CXCL13: variants seen among roughly 807,000 people sequenced by gnomAD.
The protein encoded by CXCL13 is C-X-C motif chemokine 13.
Under a neutral mutation model 12.2 loss-of-function variants are expected in CXCL13, and 7 were observed. That is an observed-to-expected ratio of 0.57 (90% CI 0.33 to 1.07). The LOEUF is 1.07. Among genes scored for constraint, CXCL13 ranks in the 50% least tolerant of loss-of-function variants. The pLI is 0.04. For synonymous variants in CXCL13, 47 were observed against 42.4 expected, an observed-to-expected ratio of 1.11 and a Z score of -0.42; for missense variants, 113 against 127.4, an observed-to-expected ratio of 0.89 and a Z score of 0.55.
At chr4:77,553,381 G>C (rs1328571771) in intron 1 of CXCL13, among the ~76,000 whole-genome samples, 1 of 152,252 alleles carries the variant, frequency 6.6e-6, no homozygotes, top group Non-Finnish European at 1.5e-5. Context: ...GGCAGACTTT[G>C]TATGTGCCTG....
In CXCL13 at chr4:77,535,410, G is replaced by T. The variant is rs376017949; in HGVS notation, c.-43+23622G>T. On this transcript the variant is annotated intron_variant, in intron 1 of 4. Coordinates refer to the CXCL13 transcript ENST00000286758. ...CTTAGTCCTCAAATCTCAATCTTGC[G>T]ACCCATTGTATTTTCCAAAGATGAC... 2.3e-4 allele frequency among the ~76,000 whole-genome samples: 35 copies of T among 152,084 alleles called. No individual in the cohort carries two copies. The East Asian group carries it at 4.0e-3, about 18-fold the overall frequency.
At chr4:77,606,673 C>G (rs751368041) in intron 1 of CXCL13, among the ~76,000 whole-genome samples, 1 of 152,164 alleles carries the variant, frequency 6.6e-6, no homozygotes, top group Non-Finnish European at 1.5e-5. Context: ...CCATGGCTCC[C>G]GGCAGAGGTA....
At position 77,584,220 on chromosome 4, in the gene CXCL13, A is replaced by G. The variant is rs115373091; in HGVS notation, c.-42-21604A>G. Among the ~76,000 whole-genome samples the G allele has an allele frequency of 5.0e-3, 756 of 152,306 alleles. 9 individuals carry two copies. The highest frequency in any genetic ancestry group is 0.017 in the African/African-American group (711 of 41,560). ...ACTATGGTGGCCACAATAGATGGCT[A>G]TTCAAGATTTGTATCCCAACCACTG... On this transcript the variant is annotated intron_variant, in intron 1 of 4. Transcript: ENST00000286758.
intron 1 of CXCL13, among the ~76,000 whole-genome samples, chr4:77,555,149 A>T (rs1323829981): frequency 1.3e-5 from 2 of 152,022 alleles, no homozygotes; most frequent in Admixed American, 6.5e-5. Flanking sequence ...CCAAAAGCAG[A>T]TTCTTTGAAA....
intron 1 of CXCL13, among the ~76,000 whole-genome samples, chr4:77,518,700 A>G (rs1295616172): frequency 1.3e-5 from 2 of 151,920 alleles, no homozygotes; most frequent in Admixed American, 6.6e-5. Context: ...ATTCGTCTAA[A>G]TTTTTTTCTA....
chr4:77,554,355 C>T (rs142989648), intron 1 of CXCL13, among the ~76,000 whole-genome samples: 96 of 152,108 alleles, frequency 6.3e-4, no homozygotes, highest in African/African-American at 2.1e-3. Context: ...AGAAATAATA[C>T]TAGAGATAAA....
chr4:77,578,496 G>A (rs1726245209), intron 1 of CXCL13, among the ~76,000 whole-genome samples: 1 of 152,160 alleles, frequency 6.6e-6, no homozygotes, highest in South Asian at 2.1e-4. Flanking sequence ...AGGGTCCCTG[G>A]AGAATCTCTG....
In CXCL13 at chr4:77,550,668, C is replaced by T. The variant is rs750366808; in HGVS notation, c.-43+38880C>T. Among the ~76,000 whole-genome samples the T allele has an allele frequency of 7.4e-4, 112 of 152,134 alleles. 1 individual carries two copies. The highest frequency in any genetic ancestry group is 1.5e-3 in the Non-Finnish European group (99 of 68,008). The stretch of plus-strand genomic sequence containing the variant: ...CAAATGTTGAAGTTCACAATTTCTC[C>T]GTTAGTTTTCTGCCTTGATGATTTG... On this transcript the variant is annotated intron_variant, in intron 1 of 4. Coordinates refer to the CXCL13 transcript ENST00000286758.
upstream of CXCL13, among the ~76,000 whole-genome samples, chr4:77,603,000 A>C (rs1054027500): frequency 6.6e-6 from 1 of 152,212 alleles, no homozygotes; most frequent in African/African-American, 2.4e-5. Flanking sequence ...CTGGGCATTA[A>C]AGAAACTGAA....
intron 1 of CXCL13, among the ~76,000 whole-genome samples, chr4:77,586,979 T>C (rs1428270548): frequency 6.6e-6 from 1 of 152,126 alleles, no homozygotes; most frequent in Non-Finnish European, 1.5e-5. Context: ...GGGGACTCCG[T>C]CCTCTTCAGC....
At chr4:77,519,362 T>G (rs1724516772) in intron 1 of CXCL13, among the ~76,000 whole-genome samples, 1 of 152,206 alleles carries the variant, frequency 6.6e-6, no homozygotes, top group Non-Finnish European at 1.5e-5. Context: ...TCTGCGTCAC[T>G]CACGCTGGGA....
At chr4:77,593,830 C>G (rs549466351) in intron 1 of CXCL13, among the ~76,000 whole-genome samples, 1 of 152,250 alleles carries the variant, frequency 6.6e-6, no homozygotes, top group South Asian at 2.1e-4. Flanking sequence ...TGTCATCAAC[C>G]AGTCGAGGAG....
chr4:77,581,582 T>C (rs1437890172), intron 1 of CXCL13, among the ~76,000 whole-genome samples: 3 of 152,142 alleles, frequency 2.0e-5, no homozygotes, highest in Non-Finnish European at 2.9e-5. Flanking sequence ...ATTATACTAT[T>C]ACTCCCCATA....
chr4:77,577,659 G>A (rs1048032358), intron 1 of CXCL13, among the ~76,000 whole-genome samples: 1 of 152,148 alleles, frequency 6.6e-6, no homozygotes, highest in Non-Finnish European at 1.5e-5. Flanking sequence ...CCATTAATAT[G>A]AGTGAAAGCC....
chr4:77,596,344 C>T (rs1286014402), intron 1 of CXCL13, among the ~76,000 whole-genome samples: 3 of 152,062 alleles, frequency 2.0e-5, no homozygotes, highest in Non-Finnish European at 2.9e-5. Context: ...AAGAGTGTAG[C>T]GAAAAGGGAA....
chr4:77,556,850 G>A (rs355677), intron 1 of CXCL13, among the ~76,000 whole-genome samples: 1 of 151,634 alleles, frequency 6.6e-6, no homozygotes. Context: ...GAGCTTGTCC[G>A]TACAAAAAAA....
intron 1 of CXCL13, among the ~76,000 whole-genome samples, chr4:77,594,234 G>A (rs1349094827): frequency 2.6e-5 from 4 of 152,108 alleles, no homozygotes; most frequent in Non-Finnish European, 5.9e-5. Context: ...CGAGAGGAGT[G>A]AGCTCTTAGC....
At chr4:77,518,147 T>A (rs1724477001) in intron 1 of CXCL13, among the ~76,000 whole-genome samples, 1 of 152,142 alleles carries the variant, frequency 6.6e-6, no homozygotes, top group Non-Finnish European at 1.5e-5. Context: ...GCTTGTAGAG[T>A]TTCTGCTGAG....
At chr4:77,528,636 T>C (rs1217630218) in intron 1 of CXCL13, among the ~76,000 whole-genome samples, 1 of 152,236 alleles carries the variant, frequency 6.6e-6, no homozygotes, top group Non-Finnish European at 1.5e-5. Flanking sequence ...TTTGTTTTTT[T>C]CTTGTAAATT....
Sources: allele counts gnomAD v4.1 joint callset (sites outside exome capture counted in the v4.1 genomes callset), GRCh38; gene constraint gnomAD v4.1.1; transcripts MANE v1.5; gene names NCBI Gene and HGNC (gene_info 2026-07-23, HGNC 2026-07-21).